SGCZ: variants seen among roughly 807,000 people sequenced by gnomAD.
The protein encoded by SGCZ is zeta-sarcoglycan.
SGCZ carries 40 observed loss-of-function variants against 41.3 expected under a neutral mutation model. The observed-to-expected ratio is 0.97, with a 90% CI of 0.75 to 1.26. SGCZ has a LOEUF of 1.26. SGCZ is among the 50% of genes most tolerant of loss of function. The probability of loss-of-function intolerance (pLI) is 0.00; values close to 1 mark genes in which losing one functional copy is unlikely to be tolerated. For synonymous variants in SGCZ, 206 were observed against 137.5 expected (o/e 1.50, Z -3.49); for missense variants, 552 against 369.8 (o/e 1.49, Z -4.04).
intron 1 of SGCZ, among the ~76,000 whole-genome samples, chr8:15,024,151 C>A (rs1237050658): frequency 1.3e-5 from 2 of 152,076 alleles, no homozygotes; most frequent in Non-Finnish European, 2.9e-5. Flanking sequence ...AAATTGGAGA[C>A]AATGATTTCA....
At chr8:14,779,622 T>A (rs1489695490) in intron 1 of SGCZ, among the ~76,000 whole-genome samples, 2 of 152,172 alleles carry the variant, frequency 1.3e-5, no homozygotes, top group Admixed American at 1.3e-4. Context: ...GTATATAATA[T>A]AAAATTCAAA....
intron 1 of SGCZ, among the ~76,000 whole-genome samples, chr8:15,118,002 T>C (rs765708142): frequency 6.6e-6 from 1 of 152,212 alleles, no homozygotes; most frequent in Non-Finnish European, 1.5e-5. Flanking sequence ...TGAGTAAATC[T>C]CTGCTGAATT....
intron 1 of SGCZ, among the ~76,000 whole-genome samples, chr8:15,128,841 A>G (rs1807797942): frequency 6.6e-6 from 1 of 152,142 alleles, no homozygotes; most frequent in Admixed American, 6.5e-5. Flanking sequence ...TTCCCCTTAG[A>G]CTGCTGAACT....
chr8:14,977,798 T>C (rs1209927931), intron 1 of SGCZ, among the ~76,000 whole-genome samples: 1 of 152,116 alleles, frequency 6.6e-6, no homozygotes, highest in Non-Finnish European at 1.5e-5. Flanking sequence ...AAAAGCTATC[T>C]ATGATTTTAA....
At chr8:14,332,978 A>G (rs1260088404) in intron 2 of SGCZ, among the ~76,000 whole-genome samples, 9 of 151,314 alleles carry the variant, frequency 5.9e-5, no homozygotes. Flanking sequence ...GAAATGGAGA[A>G]CGGACCATAG....
At chr8:14,818,003 T>G (rs969744221) in intron 1 of SGCZ, among the ~76,000 whole-genome samples, 1 of 152,086 alleles carries the variant, frequency 6.6e-6, no homozygotes, top group Non-Finnish European at 1.5e-5. Flanking sequence ...CATTTACTTA[T>G]CCCAATAGTC....
At chr8:14,261,567 T>C (rs1028444443) in intron 3 of SGCZ, among the ~76,000 whole-genome samples, 51 of 152,160 alleles carry the variant, frequency 3.4e-4, no homozygotes, top group African/African-American at 9.9e-4. Context: ...AACCAGTCTG[T>C]TCATCTGGAC....
chr8:14,436,736 T>G (rs1319998941), intron 2 of SGCZ, among the ~76,000 whole-genome samples: 1 of 152,196 alleles, frequency 6.6e-6, no homozygotes, highest in Non-Finnish European at 1.5e-5. Flanking sequence ...GTACACCTGT[T>G]TTTTAATGAC....
At chr8:14,119,951 A>T (rs142426622) in intron 5 of SGCZ, among the ~76,000 whole-genome samples, 1 of 152,054 alleles carries the variant, frequency 6.6e-6, no homozygotes, top group Non-Finnish European at 1.5e-5. Context: ...ATGTGCTGCT[A>T]GATTCAGTTT....
chr8:14,647,727 A>T (rs1007974046), intron 1 of SGCZ, among the ~76,000 whole-genome samples: 13 of 152,016 alleles, frequency 8.6e-5, no homozygotes, highest in Non-Finnish European at 4.4e-5. Flanking sequence ...ATAAGTAAAT[A>T]TGTATGTTAA....
At chr8:14,237,853 T>C (rs1178068130) in intron 3 of SGCZ, among the ~76,000 whole-genome samples, 174 bp from the exon 4 acceptor site, 3 of 152,234 alleles carry the variant, frequency 2.0e-5, no homozygotes, top group Non-Finnish European at 4.4e-5. Context: ...GAGAGCCTCA[T>C]AATAATTACT....
intron 1 of SGCZ, among the ~76,000 whole-genome samples, chr8:15,070,794 C>A (rs539583959): frequency 6.6e-6 from 1 of 152,102 alleles, no homozygotes; most frequent in Admixed American, 6.6e-5. Context: ...GTATTAGCTT[C>A]TTATTATTTA....
intron 7 of SGCZ, among the ~76,000 whole-genome samples, chr8:14,091,347 T>C (rs2116951528): frequency 6.6e-6 from 1 of 152,138 alleles, no homozygotes; most frequent in South Asian, 2.1e-4. Flanking sequence ...TTTGGGTATA[T>C]ACCCACAAAT....
At chr8:14,141,485 C>A (rs1803367662) in intron 5 of SGCZ, among the ~76,000 whole-genome samples, 1 of 152,034 alleles carries the variant, frequency 6.6e-6, no homozygotes, top group South Asian at 2.1e-4. Flanking sequence ...ATCAAACAAC[C>A]CCATCAAAAA....
intron 1 of SGCZ, among the ~76,000 whole-genome samples, chr8:15,018,882 G>A (rs1413345332): frequency 6.6e-6 from 1 of 152,204 alleles, no homozygotes; most frequent in East Asian, 1.9e-4. Context: ...AATCATGGTG[G>A]AAGGCGGAGA....
intron 1 of SGCZ, among the ~76,000 whole-genome samples, chr8:15,111,423 CTGAT>C (rs1447024368): frequency 1.3e-5 from 2 of 152,156 alleles, no homozygotes; most frequent in Admixed American, 6.5e-5. Flanking sequence ...ACTCAGGCCT[CTGAT>C]TGGCCAAGGA....
intron 1 of SGCZ, among the ~76,000 whole-genome samples, chr8:14,937,982 G>C (rs1266196981): frequency 6.6e-6 from 1 of 152,078 alleles, no homozygotes; most frequent in Non-Finnish European, 1.5e-5. Context: ...TGGAAAGTCA[G>C]CTTAAGAAAT....
intron 1 of SGCZ, among the ~76,000 whole-genome samples, chr8:14,951,340 T>C (rs575036805): frequency 1.3e-5 from 2 of 152,168 alleles, no homozygotes; most frequent in African/African-American, 4.8e-5. Context: ...TTCTTGTATG[T>C]GAACTCAAGA....
chr8:14,545,746 G>T (rs1027777036), intron 2 of SGCZ, among the ~76,000 whole-genome samples: 30 of 151,950 alleles, frequency 2.0e-4, no homozygotes, highest in Non-Finnish European at 4.1e-4. Flanking sequence ...CTAGTCTATT[G>T]TACAATATAT....
Sources: gnomAD v4.1 joint callset for allele counts (sites outside exome capture counted in the v4.1 genomes callset) on GRCh38, gnomAD v4.1.1 for gene constraint, MANE v1.5 for transcripts, NCBI Gene and HGNC (gene_info 2026-07-23, HGNC 2026-07-21) for gene names.